The following CACNA2D1 variants were observed in gnomAD, a reference collection of about 807,000 sequenced individuals.
CACNA2D1 encodes voltage-dependent calcium channel subunit alpha-2/delta-1.
In CACNA2D1, 53 loss-of-function variants were observed where a neutral mutation model predicts 171.5. That is an observed-to-expected ratio of 0.31 (90% CI 0.25 to 0.39). The LOEUF (loss-of-function observed/expected upper bound fraction) is 0.39. CACNA2D1 is among the 10% of genes least tolerant of loss of function. CACNA2D1 has a pLI of 1.00. For missense variants in CACNA2D1, 903 were observed against 1,299.8 expected (o/e 0.69, Z 4.69); for synonymous variants, 442 against 443.1 (o/e 1.00, Z 0.03).
At chr7:82,047,569 G>A (rs1433245793) in intron 10 of CACNA2D1, among the ~76,000 whole-genome samples, 2 of 152,062 alleles carry the variant, frequency 1.3e-5, no homozygotes, top group Admixed American at 6.6e-5. Flanking sequence ...ATCACTGATT[G>A]AAACTGTTTA....
chr7:82,295,007 G>C (rs924947913), intron 3 of CACNA2D1, among the ~76,000 whole-genome samples: 9 of 152,054 alleles, frequency 5.9e-5, no homozygotes, highest in African/African-American at 2.2e-4. Flanking sequence ...AAGTTAAAAA[G>C]GAGAAAGACA....
In CACNA2D1 at chr7:82,159,831, T is replaced by TA. The variant is rs988099870; in HGVS notation, c.354+10718dup. 6.7e-5 allele frequency among the ~76,000 whole-genome samples: 5 copies of TA among 74,520 alleles called. 1 individual carries two copies. Among genetic ancestry groups the TA allele is most frequent in the African/African-American group, 1.7e-4 (3 of 17,898 alleles). The allele number at this position is 74,520 out of a possible 152,430, so 48.9% of individuals were successfully genotyped here. On this transcript the variant is annotated intron_variant, in intron 4 of 38. Coordinates refer to ENST00000356860, the MANE Select transcript of CACNA2D1 (RefSeq NM_000722.4). ...TAGGAAATCATGCAAAATGAAATGTTAAAAAAAAGACTGTAATAAAGAGAA... is the reference window on the plus strand; with the variant it reads ...TAGGAAATCATGCAAAATGAAATGTTAAAAAAAAAGACTGTAATAAAGAGAA...
chr7:82,175,399 T>C (rs1796455996), intron 3 of CACNA2D1, among the ~76,000 whole-genome samples: 1 of 152,066 alleles, frequency 6.6e-6, no homozygotes, highest in Non-Finnish European at 1.5e-5. Flanking sequence ...ATGTGTTATG[T>C]GATTAATCTT....
At chr7:82,238,113 T>C (rs1803828848) in intron 3 of CACNA2D1, among the ~76,000 whole-genome samples, 2 of 152,014 alleles carry the variant, frequency 1.3e-5, no homozygotes, top group Admixed American at 1.3e-4. Flanking sequence ...TCCTGAAACT[T>C]TGTCACACAG....
intron 12 of CACNA2D1, among the ~76,000 whole-genome samples, chr7:82,031,331 A>C (rs964985539): frequency 6.6e-6 from 1 of 151,922 alleles, no homozygotes; most frequent in African/African-American, 2.4e-5. Flanking sequence ...TTATTAAATA[A>C]AGATATGCAC....
chr7:82,060,700 T>C (rs1053843236), intron 9 of CACNA2D1, among the ~76,000 whole-genome samples, 173 bp from the exon 10 acceptor site: 8 of 152,040 alleles, frequency 5.3e-5, no homozygotes, highest in Admixed American at 2.0e-4. Flanking sequence ...AAGTGGAAAT[T>C]ATAAGAAATC....
At chr7:82,036,924 A>G (rs1803347472) in intron 11 of CACNA2D1, among the ~76,000 whole-genome samples, 1 of 151,996 alleles carries the variant, frequency 6.6e-6, no homozygotes, top group African/African-American at 2.4e-5. Context: ...ACCACCCAGC[A>G]ACCTACACCT....
chr7:82,311,751 T>G (rs1202408101), intron 3 of CACNA2D1, among the ~76,000 whole-genome samples: 4 of 152,190 alleles, frequency 2.6e-5, no homozygotes. Context: ...CACTGGTTAT[T>G]TTACCCAGGC....
At chr7:82,104,061 T>A (rs1422622114) in intron 6 of CACNA2D1, among the ~76,000 whole-genome samples, 1 of 152,076 alleles carries the variant, frequency 6.6e-6, no homozygotes, top group Non-Finnish European at 1.5e-5. Flanking sequence ...AAAGTTTTAT[T>A]CACAAGCTAT....
intron 1 of CACNA2D1, among the ~76,000 whole-genome samples, chr7:82,417,110 CAT>C (rs1282974196): frequency 1.4e-4 from 21 of 152,152 alleles, no homozygotes; most frequent in Non-Finnish European, 2.9e-4. Context: ...AGTTTCACTA[CAT>C]GTTACATATA....
At chr7:82,123,826 A>G (rs1790018099) in intron 5 of CACNA2D1, among the ~76,000 whole-genome samples, 2 of 152,190 alleles carry the variant, frequency 1.3e-5, no homozygotes, top group African/African-American at 2.4e-5. Flanking sequence ...AATAGCTAGT[A>G]TATATTATAC....
intron 24 of CACNA2D1, among the ~76,000 whole-genome samples, chr7:81,976,810 T>C (rs541428390): frequency 6.6e-6 from 1 of 152,238 alleles, no homozygotes; most frequent in African/African-American, 2.4e-5. Flanking sequence ...GCAGAGATCA[T>C]GCCATTACAC....
At chr7:82,150,680 C>T (rs1286329031) in intron 4 of CACNA2D1, among the ~76,000 whole-genome samples, 1 of 152,086 alleles carries the variant, frequency 6.6e-6, no homozygotes, top group Non-Finnish European at 1.5e-5. Flanking sequence ...ATATAAATTA[C>T]CTGCTACAGA....
chr7:82,432,776 T>G (rs1829802675), intron 1 of CACNA2D1, among the ~76,000 whole-genome samples: 1 of 152,226 alleles, frequency 6.6e-6, no homozygotes, highest in Non-Finnish European at 1.5e-5. Context: ...CTGCTTAAAA[T>G]TAATGAATAA....
In CACNA2D1 at chr7:82,429,537, C is replaced by G. The variant is rs535236270; in HGVS notation, c.95+13828G>C. On this transcript the variant is annotated intron_variant, in intron 1 of 38. Transcript: ENST00000356860. Reference sequence around the variant, plus strand: ...GCGGTAGGACCAAATCCAAGACTTGCAACCTTCAAATGGCTCCTCTGTCAC... The same window carrying G: ...GCGGTAGGACCAAATCCAAGACTTGGAACCTTCAAATGGCTCCTCTGTCAC... Among the ~76,000 whole-genome samples, 33 of 152,230 alleles carry G rather than the reference C, an allele frequency of 2.2e-4. No homozygotes were observed. In the Middle Eastern group the frequency reaches 0.014, roughly 63 times the overall value.
chr7:82,241,699 G>A (rs557107258), intron 3 of CACNA2D1, among the ~76,000 whole-genome samples: 7 of 152,180 alleles, frequency 4.6e-5, no homozygotes, highest in African/African-American at 1.2e-4. Context: ...ATGCATGGAA[G>A]GGAGGGAGGG....
chr7:82,383,285 A>G (rs1171044009), intron 1 of CACNA2D1, among the ~76,000 whole-genome samples: 5 of 152,172 alleles, frequency 3.3e-5, no homozygotes, highest in Non-Finnish European at 5.9e-5. Context: ...CTGAGGCTCA[A>G]CTTTTCCATC....
chr7:82,351,877 C>G (rs752883959), intron 1 of CACNA2D1, among the ~76,000 whole-genome samples: 1 of 152,116 alleles, frequency 6.6e-6, no homozygotes, highest in Non-Finnish European at 1.5e-5. Flanking sequence ...CTAGAACCTA[C>G]AAAAAATGAG....
chr7:82,050,453 C>G (rs768238244), intron 10 of CACNA2D1: 15 of 624,422 alleles, frequency 2.4e-5, no homozygotes, highest in Non-Finnish European at 4.0e-5. Flanking sequence ...AGCCAGGGGT[C>G]ACCTGCATAG....
Sources: gnomAD v4.1 joint callset for allele counts (sites outside exome capture counted in the v4.1 genomes callset) on GRCh38, gnomAD v4.1.1 for gene constraint, MANE v1.5 for transcripts, NCBI Gene and HGNC (gene_info 2026-07-23, HGNC 2026-07-21) for gene names.